ZFAT: variants seen among roughly 807,000 people sequenced by gnomAD.
ZFAT encodes zinc finger and AT-hook domain containing, also known as zinc finger protein ZFAT.
Under a neutral mutation model 117.7 loss-of-function variants are expected in ZFAT, and 64 were observed. The observed-to-expected ratio is 0.54, with a 90% CI of 0.44 to 0.67. The LOEUF (loss-of-function observed/expected upper bound fraction) is 0.67, where lower values mean the gene tolerates loss of function less well. Among genes scored for constraint, ZFAT ranks in the 30% least tolerant of loss-of-function variants. The pLI, the probability that ZFAT is intolerant of heterozygous loss-of-function variation, is 0.00. For synonymous variants in ZFAT, 679 were observed against 615.0 expected, an observed-to-expected ratio of 1.10 and a Z score of -1.54; for missense variants, 1,433 against 1,584.5, an observed-to-expected ratio of 0.90 and a Z score of 1.62.
At chr8:134,697,410 C>T (rs888024716) in intron 1 of ZFAT, among the ~76,000 whole-genome samples, 10 of 148,608 alleles carry the variant, frequency 6.7e-5, no homozygotes, top group South Asian at 2.3e-4. Flanking sequence ...CCGCGCCCAC[C>T]TTTTTTTGTA....
the ZFAT span, among the ~76,000 whole-genome samples, chr8:134,762,466 C>T: frequency 6.6e-6 from 1 of 152,198 alleles, no homozygotes; most frequent in Admixed American, 6.5e-5. Flanking sequence ...CTGTTGATCT[C>T]TTCATCCTTT....
At chr8:134,657,440 G>T in intron 2 of ZFAT, 121 bp downstream of exon 2, 1 of 1,018,750 alleles carries the variant, frequency 9.8e-7, no homozygotes, top group Non-Finnish European at 1.4e-6. Flanking sequence ...TACAATTGGA[G>T]ACTTATTGTG....
chr8:134,830,535 T>C, the ZFAT span, among the ~76,000 whole-genome samples: 309 of 152,326 alleles, frequency 2.0e-3, 3 homozygotes, highest in African/African-American at 6.8e-3. Flanking sequence ...ATATCAGAAA[T>C]GCTTAGGTAA....
intron 10 of ZFAT, among the ~76,000 whole-genome samples, chr8:134,571,989 G>T (rs1437868504): frequency 1.3e-5 from 2 of 152,140 alleles, no homozygotes; most frequent in African/African-American, 4.8e-5. Context: ...TAATTCAAAA[G>T]AAGACAAAGT....
At chr8:134,675,426 A>G (rs986665307) in intron 1 of ZFAT, among the ~76,000 whole-genome samples, 1 of 152,194 alleles carries the variant, frequency 6.6e-6, no homozygotes, top group Non-Finnish European at 1.5e-5. Context: ...AAAGAAGCAA[A>G]CAAAGCCTCC....
the ZFAT span, among the ~76,000 whole-genome samples, chr8:134,740,620 A>G: frequency 6.6e-6 from 1 of 152,084 alleles, no homozygotes; most frequent in Middle Eastern, 3.2e-3. Flanking sequence ...CTTTTCCAGG[A>G]TAGGTCAACC....
the ZFAT span, among the ~76,000 whole-genome samples, chr8:134,809,628 T>C: frequency 2.6e-5 from 4 of 152,190 alleles, no homozygotes; most frequent in South Asian, 2.1e-4. Context: ...TAAATGCATA[T>C]TGCATTTTGA....
At chr8:134,726,904 G>C in the ZFAT span, among the ~76,000 whole-genome samples, 2 of 152,056 alleles carry the variant, frequency 1.3e-5, no homozygotes, top group African/African-American at 2.4e-5. Context: ...CACAGGGCTG[G>C]GTATTTTCTA....
At chr8:134,690,315 T>C (rs770876823) in intron 1 of ZFAT, among the ~76,000 whole-genome samples, 2 of 152,248 alleles carry the variant, frequency 1.3e-5, no homozygotes, top group Admixed American at 6.5e-5. Flanking sequence ...ACCAAGTCCC[T>C]GTCCGCACTG....
At chr8:134,516,858 A>C (rs886538667) in intron 13 of ZFAT, among the ~76,000 whole-genome samples, 1 of 152,100 alleles carries the variant, frequency 6.6e-6, no homozygotes, top group Non-Finnish European at 1.5e-5. Flanking sequence ...CTATCTCTCA[A>C]AAAAAACTAA....
At chr8:134,699,133 T>C in intron 1 of ZFAT, among the ~76,000 whole-genome samples, 1 of 151,614 alleles carries the variant, frequency 6.6e-6, no homozygotes, top group Admixed American at 6.6e-5. Flanking sequence ...CCTCACCCCC[T>C]CCCCGCATTG....
intron 5 of ZFAT, 55 bp downstream of exon 5, chr8:134,608,674 G>C: frequency 6.3e-7 from 1 of 1,585,170 alleles, no homozygotes; most frequent in Admixed American, 1.9e-5. Context: ...TGCACTCTGT[G>C]GAGTTCACTC....
rs865814524 is a variant in ZFAT, at chr8:134,595,444, C to T, written c.2475+4992G>A. ...CAGCCCAAAGAGGCAGAGGAAAGTA[C>T]TTTTTATCTCCGTTTTTATAGATGA... On this transcript the variant is annotated intron_variant, in intron 7 of 15. Coordinates refer to ENST00000377838, the MANE Select transcript of ZFAT (RefSeq NM_020863.4). 1.1e-4 allele frequency among the ~76,000 whole-genome samples: 17 copies of T among 152,178 alleles called. No individual in the cohort carries two copies. In the South Asian group the frequency reaches 1.2e-3, roughly 11 times the overall value.
the ZFAT span, among the ~76,000 whole-genome samples, chr8:134,737,600 T>C: frequency 6.6e-6 from 1 of 152,330 alleles, no homozygotes; most frequent in East Asian, 1.9e-4. Context: ...GGACACATCT[T>C]TAGGACCTTA....
At chr8:134,731,504 A>C in the ZFAT span, among the ~76,000 whole-genome samples, 1 of 152,238 alleles carries the variant, frequency 6.6e-6, no homozygotes, top group Non-Finnish European at 1.5e-5. Flanking sequence ...CTGTCATTGT[A>C]GTGCAAAAGC....
intron 5 of ZFAT, among the ~76,000 whole-genome samples, 174 bp from the exon 6 acceptor site, chr8:134,603,107 T>C (rs1827636641): frequency 6.6e-6 from 1 of 152,174 alleles, no homozygotes; most frequent in South Asian, 2.1e-4. Context: ...GTGTGTGCCA[T>C]GGTCCTTCAG....
chr8:134,764,264 C>G, the ZFAT span, among the ~76,000 whole-genome samples: 1 of 152,174 alleles, frequency 6.6e-6, no homozygotes, highest in African/African-American at 2.4e-5. Flanking sequence ...CTGCCCTTGT[C>G]CTTGCTAGTT....
chr8:134,541,835 CATAA>C (rs1383644058), intron 11 of ZFAT, among the ~76,000 whole-genome samples: 2 of 152,232 alleles, frequency 1.3e-5, no homozygotes, highest in Non-Finnish European at 2.9e-5. Context: ...TATCTTTACT[CATAA>C]ATAAAGTATC....
chr8:134,761,324 C>G, the ZFAT span, among the ~76,000 whole-genome samples: 1 of 151,962 alleles, frequency 6.6e-6, no homozygotes, highest in Admixed American at 6.6e-5. Context: ...GTGATACATG[C>G]ATCTAGAGTT....
Sources: allele counts gnomAD v4.1 joint callset (sites outside exome capture counted in the v4.1 genomes callset), GRCh38; gene constraint gnomAD v4.1.1; transcripts MANE v1.5; gene names NCBI Gene and HGNC (gene_info 2026-07-23, HGNC 2026-07-21).